Variants in CWF19L2 observed in about 807,000 individuals in gnomAD.
CWF19L2 encodes CWF19-like protein 2.
A neutral mutation model predicts 111.7 loss-of-function variants in CWF19L2; 98 were observed. The observed-to-expected ratio is 0.88, with a 90% CI of 0.75 to 1.04. The LOEUF is 1.04. CWF19L2 is among the 50% of genes least tolerant of loss of function. The pLI, the probability that CWF19L2 is intolerant of heterozygous loss-of-function variation, is 0.00. For missense variants in CWF19L2, 1,101 were observed against 1,051.4 expected, an observed-to-expected ratio of 1.05 and a Z score of -0.65; for synonymous variants, 351 against 342.9, an observed-to-expected ratio of 1.02 and a Z score of -0.26.
chr11:107,383,022 G>A (rs1459136085), intron 12 of CWF19L2, among the ~76,000 whole-genome samples: 2 of 152,256 alleles, frequency 1.3e-5, no homozygotes, highest in Non-Finnish European at 2.9e-5. Context: ...GGATGGCAAG[G>A]AAGCGTGCTC....
At chr11:107,404,602 C>A (rs1861052444) in intron 10 of CWF19L2, 2 of 578,158 alleles carry the variant, frequency 3.5e-6, no homozygotes, top group Non-Finnish European at 6.4e-6. Flanking sequence ...GAAAAAGCAC[C>A]TGCAGCTCTG....
At chr11:107,441,766 C>T in intron 4 of CWF19L2, 144 bp from the exon 5 acceptor site, 1 of 722,976 alleles carries the variant, frequency 1.4e-6, no homozygotes, top group Non-Finnish European at 2.0e-6. Flanking sequence ...GGCTATATAA[C>T]TTGAAGCAAG....
chr11:107,386,212 C>T (rs558588431), intron 12 of CWF19L2, among the ~76,000 whole-genome samples: 1 of 152,196 alleles, frequency 6.6e-6, no homozygotes, highest in South Asian at 2.1e-4. Context: ...AGGGGTCTCA[C>T]TTTGTTGCCC....
chr11:107,399,523 C>T (rs1415066770), intron 10 of CWF19L2, among the ~76,000 whole-genome samples: 1 of 152,120 alleles, frequency 6.6e-6, no homozygotes, highest in East Asian at 1.9e-4. Flanking sequence ...AGGAAAATAT[C>T]ACAATCCTAA....
intron 10 of CWF19L2, among the ~76,000 whole-genome samples, chr11:107,396,385 A>G (rs980634111): frequency 6.6e-6 from 1 of 151,972 alleles, no homozygotes; most frequent in African/African-American, 2.4e-5. Flanking sequence ...AAAGCATTTT[A>G]TAAGGACACT....
At chr11:107,352,494 T>TA (rs1860171253) in intron 13 of CWF19L2, among the ~76,000 whole-genome samples, 1 of 152,092 alleles carries the variant, frequency 6.6e-6, no homozygotes, top group Non-Finnish European at 1.5e-5. Flanking sequence ...TAAATCAAAT[T>TA]AAAAATAGAT....
intron 3 of CWF19L2, among the ~76,000 whole-genome samples, chr11:107,450,304 T>A (rs188540773): frequency 2.4e-4 from 36 of 152,146 alleles, no homozygotes; most frequent in African/African-American, 8.2e-4. Context: ...CAACTGAAAT[T>A]ATACAGAGTA....
intron 12 of CWF19L2, among the ~76,000 whole-genome samples, chr11:107,371,474 A>G (rs1860509560): frequency 8.0e-6 from 1 of 124,770 alleles, no homozygotes; most frequent in Admixed American, 7.8e-5. Context: ...TATGTATTCA[A>G]TATTTAAAGT....
At chr11:107,387,511 A>T (rs1046901919) in intron 12 of CWF19L2, among the ~76,000 whole-genome samples, 4 of 152,062 alleles carry the variant, frequency 2.6e-5, no homozygotes, top group Admixed American at 1.3e-4. Flanking sequence ...TCATTAAAAC[A>T]AATATGAAAG....
intron 16 of CWF19L2, among the ~76,000 whole-genome samples, chr11:107,330,946 T>G (rs936002053): frequency 6.6e-6 from 1 of 152,184 alleles, no homozygotes; most frequent in African/African-American, 2.4e-5. Context: ...AGGCACAATG[T>G]AGAAGGGCAC....
rs549338984 is a variant in CWF19L2 at position 107,329,994 on chromosome 11, G to A, written c.2465C>T (p.Ser822Phe). The A allele has an allele frequency of 1.0e-5, 16 of 1,582,826 alleles. No homozygotes were observed. In the South Asian group the frequency reaches 1.7e-4, roughly 17 times the overall value. ...CCCTCCGTGAAGGCCAAAATCCACAGAGAAGTAAGGTAACCCTCTGGGTAC... is the reference window on the plus strand; with the variant it reads ...CCCTCCGTGAAGGCCAAAATCCACAAAGAAGTAAGGTAACCCTCTGGGTAC... ...KSVPRGLPYF[S>F]VDFGLHGGFA... The change falls in exon 17 of 18, where the codon TCT becomes TTT. Residue 822 changes from serine (S) to phenylalanine (F), a missense_variant. Ser to Phe is a radical substitution (Grantham distance 155). Transcript: ENST00000282251.
chr11:107,438,795 T>C (rs1461812200), intron 6 of CWF19L2, among the ~76,000 whole-genome samples: 1 of 152,132 alleles, frequency 6.6e-6, no homozygotes, highest in South Asian at 2.1e-4. Context: ...CTGTAATCCT[T>C]GCACTTTGGC....
At chr11:107,370,481 C>T (rs1214184097) in intron 12 of CWF19L2, among the ~76,000 whole-genome samples, 1 of 131,466 alleles carries the variant, frequency 7.6e-6, no homozygotes, top group Non-Finnish European at 1.6e-5. Flanking sequence ...TTAAAACTAA[C>T]ATATTAGAGA....
At chr11:107,337,775 T>A (rs1859949645) in intron 14 of CWF19L2, among the ~76,000 whole-genome samples, 1 of 152,184 alleles carries the variant, frequency 6.6e-6, no homozygotes, top group South Asian at 2.1e-4. Context: ...TGAAAGTATA[T>A]TTAAGTAGGA....
intron 10 of CWF19L2, 142 bp downstream of exon 10, chr11:107,416,067 A>G (rs1164384669): frequency 4.8e-6 from 1 of 208,332 alleles, no homozygotes; most frequent in Non-Finnish European, 9.2e-6. Flanking sequence ...ACTGCCCTGC[A>G]GCCTGGGCGA....
Position 107,368,379 on chromosome 11 carries a change from T to C in CWF19L2, c.1873-14643A>G, listed in dbSNP as rs911366209. Among the ~76,000 whole-genome samples the C allele has an allele frequency of 5.1e-5, 7 of 137,374 alleles. 1 individual carries two copies. Among genetic ancestry groups the C allele is most frequent in the Admixed American group, 2.1e-4 (3 of 14,030 alleles). The allele number at this position is 137,374 out of a possible 152,430, so 90.1% of individuals were successfully genotyped here. A position where few individuals can be genotyped will look rare whatever the true frequency, so the allele number is the denominator to read the frequency against. On this transcript the variant is annotated intron_variant, in intron 12 of 17. Transcript: ENST00000282251. ...CCTGGAAACATAAAACCTTCCAAGA[T>C]TGAACGAACCACTGGCCTTTCTTCC... is the stretch of plus-strand genomic sequence containing the variant.
intron 12 of CWF19L2, among the ~76,000 whole-genome samples, chr11:107,360,405 T>C (rs1860308817): frequency 6.6e-6 from 1 of 152,248 alleles, no homozygotes; most frequent in Non-Finnish European, 1.5e-5. Context: ...ACAGGTTGAT[T>C]ACATTATCTT....
intron 12 of CWF19L2, among the ~76,000 whole-genome samples, chr11:107,372,222 G>C (rs1304195083): frequency 7.3e-6 from 1 of 136,086 alleles, no homozygotes; most frequent in Admixed American, 7.2e-5. Flanking sequence ...TCAAAGAACT[G>C]TCAAGTTATA....
intron 9 of CWF19L2, among the ~76,000 whole-genome samples, chr11:107,417,652 A>G (rs1861245746): frequency 6.6e-6 from 1 of 152,232 alleles, no homozygotes; most frequent in South Asian, 2.1e-4. Flanking sequence ...TAAAAAAGAA[A>G]TTTAAAAGCA....
Sources: allele counts gnomAD v4.1 joint callset (sites outside exome capture counted in the v4.1 genomes callset), GRCh38; gene constraint gnomAD v4.1.1; transcripts MANE v1.5; gene names NCBI Gene and HGNC (gene_info 2026-07-23, HGNC 2026-07-21).